NBPF9: variants seen among roughly 807,000 people sequenced by gnomAD.
NBPF9 encodes NBPF family member NBPF9.
In NBPF9, 91 loss-of-function variants were observed where a neutral mutation model predicts 97.8. The observed-to-expected ratio is 0.93, with a 90% CI of 0.79 to 1.11. NBPF9 has a LOEUF of 1.11. NBPF9 is among the 50% of genes least tolerant of loss of function. The pLI, the probability that NBPF9 is intolerant of heterozygous loss-of-function variation, is 0.00. For synonymous variants in NBPF9, 334 were observed against 359.5 expected (o/e 0.93, Z 0.80); for missense variants, 992 against 939.5 (o/e 1.06, Z -0.73).
intron 5 of NBPF9, among the ~76,000 whole-genome samples, chr1:149,082,867 C>T (rs1164338960): frequency 2.0e-5 from 3 of 148,710 alleles, no homozygotes; most frequent in African/African-American, 7.4e-5. Context: ...GCAAGCTCTG[C>T]CTCCCAGGTT....
At chr1:149,064,800 G>C (rs1238200124) in intron 18 of NBPF9, 4 of 577,206 alleles carry the variant, frequency 6.9e-6, no homozygotes, top group South Asian at 2.1e-5. Flanking sequence ...TCATAGGAGA[G>C]ATACTTCAAT....
chr1:149,087,363 ATG>A (rs1208909171), intron 5 of NBPF9, among the ~76,000 whole-genome samples: 1 of 147,878 alleles, frequency 6.8e-6, no homozygotes, highest in Non-Finnish European at 1.5e-5. Flanking sequence ...TTGTGTGTGT[ATG>A]TGTGTATACA....
At position 149,072,917 on chromosome 1, in the gene NBPF9, C is replaced by A. The variant is rs1274570006; in HGVS notation, c.1107G>T (p.Leu369=). ...TCAGCTCTCGTTCCTGAGCGTGAACCAGGACTTTATATTGCCTAAGGTGAG... is the reference window on the plus strand; with the variant it reads ...TCAGCTCTCGTTCCTGAGCGTGAACAAGGACTTTATATTGCCTAAGGTGAG... The change falls in exon 14 of 30, where the codon CTG becomes CTT. Residue 369 remains leucine (L), a synonymous_variant. Transcript: ENST00000584027. 3.7e-6 allele frequency: 6 copies of A among 1,606,850 alleles called. No homozygotes were observed. In the African/African-American group the frequency reaches 8.0e-5, roughly 22 times the overall value.
At chr1:149,062,738 A>C (rs2078710110) in intron 21 of NBPF9, 124 bp downstream of exon 21, 1 of 765,126 alleles carries the variant, frequency 1.3e-6, no homozygotes, top group African/African-American at 1.7e-5. Context: ...AACCAACAGC[A>C]ATGGCAGTAG....
At position 149,082,125 on chromosome 1, in the gene NBPF9, G is replaced by C. The variant is rs781969403; in HGVS notation, c.15C>G (p.Ala5=). The change falls in exon 7 of 30, where the codon GCC becomes GCG. Residue 5 remains alanine, a synonymous_variant. Coordinates refer to ENST00000584027, the Ensembl canonical transcript of NBPF9. The stretch of plus-strand genomic sequence containing the variant: ...CTGCCTTCTCGCTGGACCAAGGGCC[G>C]GCTGATACCACCATGCTGACGTTTG... 17 of 1,611,828 alleles carry C rather than the reference G, an allele frequency of 1.1e-5. No individual in the cohort carries two copies. In the South Asian group the frequency reaches 1.1e-4, roughly 10 times the overall value.
intron 14 of NBPF9, among the ~76,000 whole-genome samples, chr1:149,072,254 A>C (rs2079472656): frequency 6.6e-6 from 1 of 151,912 alleles, no homozygotes; most frequent in Admixed American, 6.6e-5. Flanking sequence ...AAGCAGTTGT[A>C]AGTGTTCCCA....
chr1:149,086,505 T>C (rs2081014682), intron 5 of NBPF9, among the ~76,000 whole-genome samples: 1 of 150,256 alleles, frequency 6.7e-6, no homozygotes, highest in Admixed American at 6.6e-5. Context: ...TCTCCAAACC[T>C]CTGTGATTTA....
chr1:149,067,846 A>C (rs1257481054), intron 17 of NBPF9, among the ~76,000 whole-genome samples: 2 of 145,562 alleles, frequency 1.4e-5, no homozygotes, highest in Non-Finnish European at 3.0e-5. Flanking sequence ...TGGCTGGGTC[A>C]AATGGTATTT....
At chr1:149,088,462 TCTA>T (rs2081189213) in intron 5 of NBPF9, among the ~76,000 whole-genome samples, 1 of 152,210 alleles carries the variant, frequency 6.6e-6, no homozygotes, top group African/African-American at 2.4e-5. Context: ...CAACAGGTAT[TCTA>T]CTTTTTTCTC....
chr1:149,064,707 CCCTATGTGCTCTGT>C (rs1221667414), intron 18 of NBPF9: 1 of 616,870 alleles, frequency 1.6e-6, no homozygotes, highest in Admixed American at 2.9e-5. Context: ...ATGTTATCTT[CCCTATGTGCTCTGT>C]CCTAGGTTTA....
chr1:149,066,208 G>A (rs1158189361), intron 17 of NBPF9: 2 of 120,848 alleles, frequency 1.7e-5, no homozygotes, highest in African/African-American at 8.4e-5. Flanking sequence ...CCTCTCCCTT[G>A]ATTTAGACAC....
chr1:149,089,565 G>C (rs587710424), intron 5 of NBPF9, among the ~76,000 whole-genome samples: 1 of 152,298 alleles, frequency 6.6e-6, no homozygotes, highest in Non-Finnish European at 1.5e-5. Flanking sequence ...ATGGAAATGA[G>C]TGGAGAGTGG....
chr1:149,075,563 A>G lies in NBPF9; in HGVS notation c.988+92T>C, dbSNP rs1394239041. ...TTTTCCTAGAAGTATGGGGAGGATG[A>G]CATTATTTTTGATGGAGAGAGCACT... On this transcript the variant is annotated intron_variant, in intron 12 of 29. Transcript: ENST00000584027. 7.8e-6 allele frequency: 11 copies of G among 1,418,594 alleles called. No homozygotes were observed. In the East Asian group the frequency reaches 2.3e-4, roughly 29 times the overall value. The allele number at this position is 1,418,594 out of a possible 1,614,324, so 87.9% of individuals were successfully genotyped here.
At chr1:149,082,848 A>T (rs1429037599) in intron 5 of NBPF9, among the ~76,000 whole-genome samples, 5 of 145,094 alleles carry the variant, frequency 3.4e-5, no homozygotes, top group African/African-American at 1.3e-4. Flanking sequence ...GACGCGATCT[A>T]GGCTCACTGC....
exon 7 of NBPF9, chr1:149,082,054 G>A (rs1553656931): frequency 1.2e-6 from 2 of 1,610,908 alleles, no homozygotes; most frequent in Non-Finnish European, 1.7e-6. Flanking sequence ...TTTGTTCTCT[G>A]CCAACTGGGG....
chr1:149,068,122 G>T (rs1188232407), intron 17 of NBPF9, among the ~76,000 whole-genome samples: 1 of 148,030 alleles, frequency 6.8e-6, no homozygotes, highest in Non-Finnish European at 1.5e-5. Flanking sequence ...AGCTCCTAAA[G>T]GAAGCACTAA....
At position 149,062,076 on chromosome 1, in the gene NBPF9, C is replaced by G. The variant is rs781922295; in HGVS notation, c.2251+17G>C. The stretch of plus-strand genomic sequence containing the variant: ...AGACCAGGTGGAGGCTTATCACCTT[C>G]ATAGTAAGGTACTCACTGTCCAAGT... On this transcript the variant is annotated intron_variant, in intron 22 of 29. Coordinates refer to ENST00000584027, the Ensembl canonical transcript of NBPF9. 1 of 1,006,322 alleles carries G rather than the reference C, an allele frequency of 9.9e-7. No homozygotes were observed. Among genetic ancestry groups the G allele is most frequent in the Non-Finnish European group, 1.6e-6 (1 of 644,606 alleles). 62.3% of individuals were successfully genotyped at this position (1,006,322 alleles called of 1,614,324 possible).
chr1:149,080,428 C>T (rs1485631428), intron 7 of NBPF9, among the ~76,000 whole-genome samples: 10 of 149,916 alleles, frequency 6.7e-5, no homozygotes, highest in East Asian at 2.1e-4. Flanking sequence ...GAACTCACAG[C>T]CCCTGAGGTC....
intron 12 of NBPF9, among the ~76,000 whole-genome samples, chr1:149,074,883 C>G (rs2079723979): frequency 6.6e-6 from 1 of 151,216 alleles, no homozygotes; most frequent in African/African-American, 2.4e-5. Context: ...AAAACCTTGG[C>G]TCACTGCAAC....
Sources: gnomAD v4.1 joint callset for allele counts (sites outside exome capture counted in the v4.1 genomes callset) on GRCh38, gnomAD v4.1.1 for gene constraint, MANE v1.5 for transcripts, NCBI Gene and HGNC (gene_info 2026-07-23, HGNC 2026-07-21) for gene names.